The following PCDHA12 variants were observed in gnomAD, a reference collection of about 807,000 sequenced individuals.
PCDHA12 encodes the protein protocadherin alpha-12.
Under a neutral mutation model 60.0 loss-of-function variants are expected in PCDHA12, and 44 were observed. The observed-to-expected ratio is 0.73, with a 90% CI of 0.58 to 0.94. The LOEUF (loss-of-function observed/expected upper bound fraction) is 0.94. Among genes scored for constraint, PCDHA12 ranks in the 40% least tolerant of loss-of-function variants. The pLI is 0.00. For missense variants in PCDHA12, 1,276 were observed against 1,239.7 expected (o/e 1.03, Z -0.44); for synonymous variants, 569 against 553.0 (o/e 1.03, Z -0.40).
At chr5:140,926,583 G>C in intron 1 of PCDHA12, 1 of 279,462 alleles carries the variant, frequency 3.6e-6, no homozygotes, top group Non-Finnish European at 6.6e-6. Context: ...AGCACCTCTC[G>C]CGCCCGGGCG....
At position 140,876,440 on chromosome 5, in the gene PCDHA12, T is replaced by G. The variant is rs369023443; in HGVS notation, c.968T>G (p.Ile323Ser). 6 of 1,613,994 alleles carry G rather than the reference T, an allele frequency of 3.7e-6. No homozygotes were observed. Among genetic ancestry groups the G allele is most frequent in the Admixed American group, 1.7e-5 (1 of 60,026 alleles). Residue 323 changes from isoleucine (I) to serine (S), a missense_variant, in exon 1 of 4, where the codon ATT becomes AGT. Transcript: ENST00000398631. ...GCCTATGAAATTCAGGTTAACGCCA[T>G]TGATAAAGGGATTCCTTCCATGGCA... ...NNAYEIQVNA[I>S]DKGIPSMAGH...
At chr5:140,878,461 T>G (rs1274651575) in intron 1 of PCDHA12, among the ~76,000 whole-genome samples, 1 of 152,230 alleles carries the variant, frequency 6.6e-6, no homozygotes, top group Non-Finnish European at 1.5e-5. Context: ...TGAAATATAA[T>G]AAAATCATTT....
In PCDHA12 at chr5:140,927,607, C is replaced by G. The variant is rs558609705; in HGVS notation, c.2367+49768C>G. On this transcript the variant is annotated intron_variant, in intron 1 of 3. Transcript: ENST00000398631. ...GCCTGTATTTGAGCGCTCCGTATACCGCACCAAGGTTCCAGAGACTGCACC... is the reference window on the plus strand; with the variant it reads ...GCCTGTATTTGAGCGCTCCGTATACGGCACCAAGGTTCCAGAGACTGCACC... 1.5e-5 allele frequency: 24 copies of G among 1,614,180 alleles called. 1 individual carries two copies. In the South Asian group the frequency reaches 2.6e-4, roughly 18 times the overall value.
chr5:140,985,268 A>G (rs1399255449), intron 3 of PCDHA12, among the ~76,000 whole-genome samples: 6 of 152,098 alleles, frequency 3.9e-5, no homozygotes, highest in African/African-American at 1.2e-4. Context: ...TTTCTGGACT[A>G]CTTTTCTGCA....
chr5:140,950,278 G>A (rs2094467824), intron 1 of PCDHA12, among the ~76,000 whole-genome samples: 1 of 151,868 alleles, frequency 6.6e-6, no homozygotes, highest in African/African-American at 2.4e-5. Context: ...ATGTCTTTTT[G>A]CTTCAACCTG....
At chr5:140,941,241 T>TTCTTTCTTTCTTTCTTTCTTTC in intron 1 of PCDHA12, among the ~76,000 whole-genome samples, 2 of 140,458 alleles carry the variant, frequency 1.4e-5, no homozygotes, top group South Asian at 4.5e-4. Context: ...CTTTCTTTCT[T>TTCTTTCTTTCTTTCTTTCTTTC]TCTTTCTTTC....
In PCDHA12 at chr5:140,959,652, T is replaced by C. The variant is rs538144488; in HGVS notation, c.2368-19297T>C. 1.3e-4 allele frequency among the ~76,000 whole-genome samples: 20 copies of C among 152,234 alleles called. No individual in the cohort carries two copies. In the South Asian group the frequency reaches 4.2e-3, roughly 32 times the overall value. On this transcript the variant is annotated intron_variant, in intron 1 of 3. Transcript: ENST00000398631. ...AGAGAGAAAAAACACAGAAGCAAAATTGAAGAATTTGTAAATCATTTCTAA... is the reference window on the plus strand; with the variant it reads ...AGAGAGAAAAAACACAGAAGCAAAACTGAAGAATTTGTAAATCATTTCTAA...
intron 1 of PCDHA12, among the ~76,000 whole-genome samples, chr5:140,901,420 C>G (rs2153473414): frequency 6.6e-6 from 1 of 152,248 alleles, no homozygotes; most frequent in East Asian, 1.9e-4. Context: ...TAGTTTCATT[C>G]CTCTGCATAT....
At chr5:140,968,097 G>A in intron 1 of PCDHA12, 1 of 1,614,112 alleles carries the variant, frequency 6.2e-7, no homozygotes, top group Non-Finnish European at 8.5e-7. Flanking sequence ...GCCACAGATG[G>A]GGGAATACCG....
intron 3 of PCDHA12, among the ~76,000 whole-genome samples, chr5:140,990,586 A>G (rs544396898): frequency 7.2e-5 from 11 of 152,284 alleles, no homozygotes; most frequent in African/African-American, 2.6e-4. Flanking sequence ...CTTTTCCTAT[A>G]ATCACCTGGA....
chr5:140,950,646 G>T (rs1221939583), intron 1 of PCDHA12, among the ~76,000 whole-genome samples: 2 of 151,884 alleles, frequency 1.3e-5, no homozygotes, highest in African/African-American at 4.8e-5. Context: ...TCCTGTTTAT[G>T]GTTGGCTGAG....
intron 1 of PCDHA12, among the ~76,000 whole-genome samples, chr5:140,909,531 G>A (rs2074565633): frequency 6.6e-6 from 1 of 152,160 alleles, no homozygotes. Flanking sequence ...CACATTTTGA[G>A]TCCTTGATGG....
intron 1 of PCDHA12, chr5:140,927,429 C>T: frequency 6.2e-7 from 1 of 1,614,118 alleles, no homozygotes; most frequent in Non-Finnish European, 8.5e-7. Flanking sequence ...GGGTTGACGG[C>T]AGCGAATACC....
intron 1 of PCDHA12, chr5:140,882,534 G>A (rs1554174427): frequency 8.7e-6 from 14 of 1,614,086 alleles, no homozygotes; most frequent in Non-Finnish European, 1.1e-5. Flanking sequence ...GTGAATTCTC[G>A]GATCGACCGC....
At chr5:140,895,138 G>C (rs782496234) in intron 1 of PCDHA12, among the ~76,000 whole-genome samples, 14 of 151,944 alleles carry the variant, frequency 9.2e-5, no homozygotes, top group Non-Finnish European at 1.8e-4. Flanking sequence ...AAGTTCATAG[G>C]GCTAAGACAG....
At chr5:140,947,252 T>A (rs1554218120) in intron 1 of PCDHA12, among the ~76,000 whole-genome samples, 1 of 151,596 alleles carries the variant, frequency 6.6e-6, no homozygotes, top group Non-Finnish European at 1.5e-5. Flanking sequence ...GATAATCCAA[T>A]GTACCATTTG....
rs544594142 is a variant in PCDHA12, at chr5:141,011,456, T to C, written c.*1519T>C. On this transcript the variant is annotated 3_prime_UTR_variant, in exon 4 of 4. Transcript: ENST00000398631. Reference sequence around the variant, plus strand: ...TACCTAGAGTGAACTTTAAGCTTTATTGTTGAATGTAATTCCATTATATTT... The same window carrying C: ...TACCTAGAGTGAACTTTAAGCTTTACTGTTGAATGTAATTCCATTATATTT... The C allele has an allele frequency of 1.3e-5, 2 of 153,928 alleles. No homozygotes were observed. The highest frequency in any genetic ancestry group is 6.8e-3 in the Middle Eastern group (2 of 292). 9.5% of individuals were successfully genotyped at this position (153,928 alleles called of 1,614,324 possible).
At chr5:140,948,857 T>C (rs1554218731) in intron 1 of PCDHA12, among the ~76,000 whole-genome samples, 2 of 151,686 alleles carry the variant, frequency 1.3e-5, no homozygotes. Flanking sequence ...TGCCTTCTTA[T>C]ATTACTTCGG....
At chr5:140,951,626 C>G (rs1182328214) in intron 1 of PCDHA12, among the ~76,000 whole-genome samples, 1 of 152,180 alleles carries the variant, frequency 6.6e-6, no homozygotes, top group East Asian at 1.9e-4. Context: ...AAGGGGGAAA[C>G]CTGCCCCATG....
Sources: gnomAD v4.1 joint callset for allele counts (sites outside exome capture counted in the v4.1 genomes callset) on GRCh38, gnomAD v4.1.1 for gene constraint, MANE v1.5 for transcripts, NCBI Gene and HGNC (gene_info 2026-07-23, HGNC 2026-07-21) for gene names.